Variants in GNB1 observed in about 807,000 individuals in gnomAD.
GNB1 encodes the protein guanine nucleotide-binding protein G(I)/G(S)/G(T) subunit beta-1.
A neutral mutation model predicts 42.9 loss-of-function variants in GNB1; 2 were observed. That is an observed-to-expected ratio of 0.05 (90% CI 0.02 to 0.15). The LOEUF (loss-of-function observed/expected upper bound fraction) is 0.15, where lower values mean the gene tolerates loss of function less well. Ranked by LOEUF, GNB1 falls within the 10% of genes least tolerant of loss-of-function variation. GNB1 has a pLI of 1.00. For missense variants in GNB1, 193 were observed against 462.2 expected, an observed-to-expected ratio of 0.42 and a Z score of 5.34; for synonymous variants, 183 against 174.7, an observed-to-expected ratio of 1.05 and a Z score of -0.38.
At chr1:1,813,877 T>A (rs1057400406) in intron 5 of GNB1, among the ~76,000 whole-genome samples, 1 of 152,246 alleles carries the variant, frequency 6.6e-6, no homozygotes, top group Admixed American at 6.5e-5. Context: ...CTGATATATA[T>A]CCACATTGTG....
At chr1:1,882,426 CAAAAAAAAA>C (rs5772052) in intron 1 of GNB1, among the ~76,000 whole-genome samples, 5 of 71,610 alleles carry the variant, frequency 7.0e-5, no homozygotes, top group Admixed American at 1.6e-4. Context: ...GACTCCAACT[CAAAAAAAAA>C]AAAAAAAAAA....
At chr1:1,870,191 GT>G (rs1649172393) in intron 1 of GNB1, among the ~76,000 whole-genome samples, 1 of 152,002 alleles carries the variant, frequency 6.6e-6, no homozygotes, top group African/African-American at 2.4e-5. Context: ...TGTTTGTGGG[GT>G]TTTGTTTTTG....
chr1:1,792,990 C>T (rs992444713), intron 8 of GNB1, among the ~76,000 whole-genome samples: 23 of 151,662 alleles, frequency 1.5e-4, no homozygotes, highest in African/African-American at 5.1e-4. Flanking sequence ...CATTTAAACC[C>T]GGCAGGCAGA....
intron 5 of GNB1, among the ~76,000 whole-genome samples, chr1:1,810,627 T>C (rs1292347598): frequency 6.6e-6 from 1 of 151,350 alleles, no homozygotes; most frequent in Admixed American, 6.6e-5. Context: ...AATACATACA[T>C]ACATAACAAG....
chr1:1,832,520 G>A (rs1647090786), intron 2 of GNB1, among the ~76,000 whole-genome samples: 1 of 152,214 alleles, frequency 6.6e-6, no homozygotes. Context: ...AAGCAAGCAG[G>A]TGAAGGGATC....
chr1:1,836,655 AT>A (rs1647154531), intron 2 of GNB1, among the ~76,000 whole-genome samples: 1 of 151,934 alleles, frequency 6.6e-6, no homozygotes, highest in Non-Finnish European at 1.5e-5. Context: ...GGTTCAAGTG[AT>A]TCTTGTGTCT....
At chr1:1,796,907 C>A (rs572730197) in intron 7 of GNB1, among the ~76,000 whole-genome samples, 1 of 152,068 alleles carries the variant, frequency 6.6e-6, no homozygotes, top group East Asian at 1.9e-4. Flanking sequence ...AAGAGAGGCA[C>A]GGCAGAGAGT....
intron 1 of GNB1, among the ~76,000 whole-genome samples, chr1:1,845,312 G>A (rs1647573955): frequency 1.3e-5 from 2 of 152,218 alleles, no homozygotes; most frequent in African/African-American, 4.8e-5. Context: ...GGTGGCTCAC[G>A]CCTGTAATCC....
intron 1 of GNB1, among the ~76,000 whole-genome samples, chr1:1,880,788 G>C (rs1234274210): frequency 6.6e-6 from 1 of 152,130 alleles, no homozygotes; most frequent in Admixed American, 6.6e-5. Flanking sequence ...ATCTTCCAGA[G>C]CTCCCCACTC....
intron 5 of GNB1, among the ~76,000 whole-genome samples, chr1:1,814,815 A>AAAG (rs1646829347): frequency 7.3e-6 from 1 of 136,114 alleles, no homozygotes; most frequent in Admixed American, 8.1e-5. Flanking sequence ...AAAAAAAAAA[A>AAAG]AAAAAGAAAA....
At chr1:1,880,444 C>T (rs1426720860) in intron 1 of GNB1, among the ~76,000 whole-genome samples, 1 of 151,758 alleles carries the variant, frequency 6.6e-6, no homozygotes, top group Admixed American at 6.6e-5. Context: ...AAAAATTAGC[C>T]GGGCGTGGTG....
At chr1:1,836,701 C>A (rs895629844) in intron 2 of GNB1, among the ~76,000 whole-genome samples, 1 of 152,112 alleles carries the variant, frequency 6.6e-6, no homozygotes, top group African/African-American at 2.4e-5. Flanking sequence ...TAGGCATAAG[C>A]CACTACACCT....
chr1:1,811,242 C>T (rs945193502), intron 5 of GNB1, among the ~76,000 whole-genome samples: 11 of 151,884 alleles, frequency 7.2e-5, no homozygotes, highest in African/African-American at 2.4e-4. Context: ...CACTCGCCAC[C>T]ACACCTGGCT....
At chr1:1,798,957 T>C (rs1646585202) in intron 7 of GNB1, among the ~76,000 whole-genome samples, 1 of 151,584 alleles carries the variant, frequency 6.6e-6, no homozygotes, top group South Asian at 2.1e-4. Context: ...AGTCTCGCTG[T>C]CGCCCAGGTT....
intron 1 of GNB1, among the ~76,000 whole-genome samples, chr1:1,887,538 T>C (rs1650223852): frequency 6.6e-6 from 1 of 152,216 alleles, no homozygotes; most frequent in African/African-American, 2.4e-5. Context: ...AAATTAACTT[T>C]TCAAATTCTG....
chr1:1,868,552 G>A (rs1185594007), intron 1 of GNB1, among the ~76,000 whole-genome samples: 2 of 152,136 alleles, frequency 1.3e-5, no homozygotes, highest in Non-Finnish European at 2.9e-5. Flanking sequence ...GGAGGCCGAG[G>A]CAGGTGAATC....
intron 2 of GNB1, chr1:1,832,279 C>G (rs1179404339): frequency 6.6e-6 from 1 of 152,088 alleles, no homozygotes; most frequent in Non-Finnish European, 1.5e-5. Context: ...TCCCCCAGAC[C>G]TTCCAGAACA....
In GNB1 at chr1:1,880,191, C is replaced by A. The variant is rs188425605; in HGVS notation, c.-96+10629G>T. Among the ~76,000 whole-genome samples the A allele has an allele frequency of 9.6e-3, 1,467 of 152,304 alleles. 19 individuals carry two copies. The highest frequency in any genetic ancestry group is 0.033 in the African/African-American group (1,385 of 41,566). On this transcript the variant is annotated intron_variant, in intron 1 of 11. Coordinates refer to ENST00000378609, the MANE Select transcript of GNB1 (RefSeq NM_002074.5). ...CAAGTGATCCTCCTGCCTCACCCTCCCAAAGCACTGGGATTACAGGTGTGA... is the reference window on the plus strand; with the variant it reads ...CAAGTGATCCTCCTGCCTCACCCTCACAAAGCACTGGGATTACAGGTGTGA...
chr1:1,839,249 C>T lies in GNB1; in HGVS notation c.-95-11G>A, dbSNP rs1467628716. 1 of 152,136 alleles carries T rather than the reference C, an allele frequency of 6.6e-6. No homozygotes were observed. The highest frequency in any genetic ancestry group is 1.5e-5 in the Non-Finnish European group (1 of 68,024). 9.4% of individuals were successfully genotyped at this position (152,136 alleles called of 1,614,324 possible). Reference sequence around the variant, plus strand: ...TACATGTAAATTTGTCTGAAACAAACAGAAAAGGCTGTATTTGTATTGCAC... The same window carrying T: ...TACATGTAAATTTGTCTGAAACAAATAGAAAAGGCTGTATTTGTATTGCAC... On this transcript the variant is annotated splice_polypyrimidine_tract_variant and intron_variant, in intron 1 of 11. Transcript: ENST00000378609.
Sources: gnomAD v4.1 joint callset for allele counts (sites outside exome capture counted in the v4.1 genomes callset) on GRCh38, gnomAD v4.1.1 for gene constraint, MANE v1.5 for transcripts, NCBI Gene and HGNC (gene_info 2026-07-23, HGNC 2026-07-21) for gene names.